The following ZBTB20 variants were observed in gnomAD, a reference collection of about 807,000 sequenced individuals.
The protein encoded by ZBTB20 is zinc finger and BTB domain-containing protein 20.
A neutral mutation model predicts 56.9 loss-of-function variants in ZBTB20; 9 were observed. The ratio of observed to expected loss-of-function variants is 0.16; its 90% CI spans 0.10 to 0.28. ZBTB20 has a LOEUF of 0.28. Ranked by LOEUF, ZBTB20 falls within the 10% of genes least tolerant of loss-of-function variation. The probability of loss-of-function intolerance (pLI) is 1.00; values close to 1 mark genes in which losing one functional copy is unlikely to be tolerated. For missense variants in ZBTB20, 655 were observed against 1,003.0 expected (o/e 0.65, Z 4.69); for synonymous variants, 417 against 420.7 (o/e 0.99, Z 0.11).
chr3:114,421,213 A>T (rs2089140166), intron 7 of ZBTB20, among the ~76,000 whole-genome samples: 1 of 152,120 alleles, frequency 6.6e-6, no homozygotes, highest in African/African-American at 2.4e-5. Flanking sequence ...ACCAAATGGT[A>T]AAGTTCTCAC....
At position 114,807,519 on chromosome 3, in the gene ZBTB20, G is replaced by T. The variant is rs554484429; in HGVS notation, c.-416-6345C>A. ...TTACATGTATTTATCATTCTGCACT[G>T]GATTGAATCTCCTGTACAATGTTGA... On this transcript the variant is annotated intron_variant, in intron 4 of 11. Transcript: ENST00000675478. 2.0e-4 allele frequency among the ~76,000 whole-genome samples: 30 copies of T among 150,254 alleles called. No individual in the cohort carries two copies. The South Asian group carries it at 4.0e-3, about 20-fold the overall frequency.
chr3:114,894,313 C>A (rs1184140304), intron 4 of ZBTB20, among the ~76,000 whole-genome samples: 2 of 152,060 alleles, frequency 1.3e-5, no homozygotes, highest in Non-Finnish European at 2.9e-5. Flanking sequence ...TATTACATAT[C>A]TATATATACA....
chr3:114,586,220 AG>A (rs2055161369), intron 6 of ZBTB20, among the ~76,000 whole-genome samples: 1 of 152,226 alleles, frequency 6.6e-6, no homozygotes, highest in African/African-American at 2.4e-5. Flanking sequence ...GTCACACAAA[AG>A]CACTCTTGAG....
chr3:114,661,024 A>G (rs2060692597), intron 6 of ZBTB20, among the ~76,000 whole-genome samples: 1 of 152,112 alleles, frequency 6.6e-6, no homozygotes, highest in Non-Finnish European at 1.5e-5. Context: ...CTAAACTATG[A>G]AAAGCAACAG....
chr3:115,032,972 A>C (rs2080759634), intron 2 of ZBTB20, among the ~76,000 whole-genome samples: 1 of 149,848 alleles, frequency 6.7e-6, no homozygotes, highest in South Asian at 2.1e-4. Context: ...AAAAAAAAAA[A>C]AAAAACAAAC....
chr3:114,862,162 A>G (rs896826200), intron 4 of ZBTB20, among the ~76,000 whole-genome samples: 1 of 152,198 alleles, frequency 6.6e-6, no homozygotes, highest in African/African-American at 2.4e-5. Context: ...TTCTTTTAGC[A>G]ATTACAACCT....
chr3:114,430,792 C>A (rs2090062456), intron 7 of ZBTB20, among the ~76,000 whole-genome samples: 1 of 152,156 alleles, frequency 6.6e-6, no homozygotes, highest in Admixed American at 6.5e-5. Flanking sequence ...ACAGTGAATT[C>A]CCTGTTAACT....
At chr3:114,812,936 C>A (rs890912745) in intron 4 of ZBTB20, among the ~76,000 whole-genome samples, 1 of 152,214 alleles carries the variant, frequency 6.6e-6, no homozygotes, top group Non-Finnish European at 1.5e-5. Flanking sequence ...TGGGGCAGGC[C>A]GGCCGCTCCG....
At chr3:114,801,037 G>A (rs1578927458) in intron 5 of ZBTB20, 64 bp downstream of exon 5, 1 of 152,000 alleles carries the variant, frequency 6.6e-6, no homozygotes, top group South Asian at 2.1e-4. Flanking sequence ...TGTTACCAAT[G>A]TTTTTGTCCT....
intron 2 of ZBTB20, among the ~76,000 whole-genome samples, chr3:115,029,198 T>A (rs1325891480): frequency 6.6e-6 from 1 of 150,662 alleles, no homozygotes; most frequent in Non-Finnish European, 1.5e-5. Context: ...CAGACTTATA[T>A]GGAAAAAATG....
chr3:115,089,578 A>G (rs558391812), intron 1 of ZBTB20, among the ~76,000 whole-genome samples: 1 of 151,982 alleles, frequency 6.6e-6, no homozygotes, highest in South Asian at 2.1e-4. Context: ...ATTTAACACA[A>G]TGGGAACCTG....
intron 11 of ZBTB20, among the ~76,000 whole-genome samples, chr3:114,347,136 C>G (rs1195846918): frequency 3.7e-5 from 4 of 108,066 alleles, no homozygotes; most frequent in Non-Finnish European, 6.9e-5. Flanking sequence ...AGGTTGGCCT[C>G]GAAACTCCTG....
chr3:114,894,766 C>T (rs372549881), intron 4 of ZBTB20, among the ~76,000 whole-genome samples: 3 of 152,134 alleles, frequency 2.0e-5, no homozygotes, highest in East Asian at 3.9e-4. Flanking sequence ...GGCTAATAAA[C>T]CTTGATTTCA....
chr3:114,483,251 TCTTC>T (rs1356030562), intron 7 of ZBTB20, among the ~76,000 whole-genome samples: 2 of 152,142 alleles, frequency 1.3e-5, no homozygotes, highest in African/African-American at 4.8e-5. Context: ...CATAATGATG[TCTTC>T]CTCATATCTT....
rs144796554 is a variant in ZBTB20 at position 114,844,577 on chromosome 3, G to A, written c.-416-43403C>T. 2.5e-3 allele frequency among the ~76,000 whole-genome samples: 283 copies of A among 114,522 alleles called. 1 individual carries two copies. The highest frequency in any genetic ancestry group is 8.2e-3 in the South Asian group (27 of 3,282). 75.1% of individuals were successfully genotyped at this position (114,522 alleles called of 152,430 possible). On this transcript the variant is annotated intron_variant, in intron 4 of 11. Transcript: ENST00000675478. ...ACTTTCATTTCTCTTGTGTAAACAT[G>A]TAGGCATGAAATGGCTGGATAACAT... is the stretch of plus-strand genomic sequence containing the variant.
chr3:115,103,589 A>G (rs972865386), intron 1 of ZBTB20, among the ~76,000 whole-genome samples: 7 of 152,204 alleles, frequency 4.6e-5, no homozygotes, highest in Non-Finnish European at 8.8e-5. Context: ...AGGAAAAGCA[A>G]TACAATGGAG....
intron 3 of ZBTB20, among the ~76,000 whole-genome samples, chr3:114,971,673 G>T (rs1379252257): frequency 1.3e-5 from 2 of 152,172 alleles, no homozygotes; most frequent in Non-Finnish European, 2.9e-5. Context: ...TGTATGAGAA[G>T]AATGGATGGT....
At chr3:115,107,318 G>A (rs1458887202) in intron 1 of ZBTB20, among the ~76,000 whole-genome samples, 1 of 151,996 alleles carries the variant, frequency 6.6e-6, no homozygotes, top group Non-Finnish European at 1.5e-5. Context: ...TACTTGGGAG[G>A]CTGAGGTGAG....
chr3:115,045,338 CAG>C (rs889784271), intron 2 of ZBTB20, among the ~76,000 whole-genome samples: 20 of 151,830 alleles, frequency 1.3e-4, no homozygotes, highest in African/African-American at 3.9e-4. Context: ...CATTAAAAAA[CAG>C]AGGTAATTTT....
Sources: allele counts gnomAD v4.1 joint callset (sites outside exome capture counted in the v4.1 genomes callset), GRCh38; gene constraint gnomAD v4.1.1; transcripts MANE v1.5; gene names NCBI Gene and HGNC (gene_info 2026-07-23, HGNC 2026-07-21).